The following CTNNA3 variants were observed in gnomAD, a reference collection of about 807,000 sequenced individuals.
The protein encoded by CTNNA3 is catenin alpha-3.
Under a neutral mutation model 95.7 loss-of-function variants are expected in CTNNA3, and 76 were observed. That is an observed-to-expected ratio of 0.79 (90% CI 0.66 to 0.96). CTNNA3 has a LOEUF of 0.96. Among genes scored for constraint, CTNNA3 ranks in the 40% least tolerant of loss-of-function variants. CTNNA3 has a pLI of 0.00. For missense variants in CTNNA3, 1,191 were observed against 1,089.8 expected, an observed-to-expected ratio of 1.09 and a Z score of -1.31; for synonymous variants, 431 against 374.4, an observed-to-expected ratio of 1.15 and a Z score of -1.74.
intron 1 of CTNNA3, among the ~76,000 whole-genome samples, chr10:67,741,883 C>A (rs1841341807): frequency 6.6e-6 from 1 of 151,036 alleles, no homozygotes; most frequent in Admixed American, 6.6e-5. Context: ...AGACTTTAAA[C>A]CAACAAAGAT....
intron 7 of CTNNA3, among the ~76,000 whole-genome samples, chr10:66,874,935 C>T (rs1281359675): frequency 6.6e-6 from 1 of 152,144 alleles, no homozygotes; most frequent in Admixed American, 6.6e-5. Context: ...GGCTTACAGT[C>T]TAGTAGGAAG....
chr10:66,507,050 T>C (rs890647784), intron 11 of CTNNA3, among the ~76,000 whole-genome samples: 13 of 152,162 alleles, frequency 8.5e-5, no homozygotes, highest in Admixed American at 1.3e-4. Context: ...TATTATGTGT[T>C]TTTTGGCATC....
At chr10:66,954,011 T>C (rs1386758624) in intron 7 of CTNNA3, among the ~76,000 whole-genome samples, 1 of 152,214 alleles carries the variant, frequency 6.6e-6, no homozygotes, top group Non-Finnish European at 1.5e-5. Context: ...AGCTGGTGCA[T>C]AGTAAGTGCT....
intron 7 of CTNNA3, among the ~76,000 whole-genome samples, chr10:66,881,012 A>C (rs79437193): frequency 0.012 from 1,786 of 152,172 alleles, 42 homozygotes; most frequent in African/African-American, 0.041. Flanking sequence ...AAGCAAGCAG[A>C]GTTTCATCCT....
chr10:67,554,265 A>G (rs946113334), intron 3 of CTNNA3, among the ~76,000 whole-genome samples: 23 of 152,112 alleles, frequency 1.5e-4, no homozygotes, highest in Non-Finnish European at 4.4e-5. Flanking sequence ...AATACTTTGG[A>G]TATATACCCA....
chr10:67,363,664 T>C (rs1169777594), intron 5 of CTNNA3, among the ~76,000 whole-genome samples: 1 of 151,876 alleles, frequency 6.6e-6, no homozygotes. Context: ...CCCACAGAAA[T>C]AGAAACTACC....
chr10:66,392,718 C>T (rs2132534613), intron 11 of CTNNA3, among the ~76,000 whole-genome samples: 1 of 152,126 alleles, frequency 6.6e-6, no homozygotes, highest in East Asian at 1.9e-4. Flanking sequence ...AAATTTAAAA[C>T]ACTGATAACA....
In CTNNA3 at chr10:66,868,774, A is replaced by G. The variant is rs1234357742; in HGVS notation, c.1048-93250T>C. On this transcript the variant is annotated intron_variant, in intron 7 of 17. Transcript: ENST00000433211. Reference sequence around the variant, plus strand: ...TCAAAAAAAAAAAAAAAAATCAGACAAAGTGCCTACCTTCAAAAAACTTAC... The same window carrying G: ...TCAAAAAAAAAAAAAAAAATCAGACGAAGTGCCTACCTTCAAAAAACTTAC... Among the ~76,000 whole-genome samples, 4 of 152,210 alleles carry G rather than the reference A, an allele frequency of 2.6e-5. No individual in the cohort carries two copies. In the East Asian group the frequency reaches 5.8e-4, roughly 22 times the overall value.
intron 13 of CTNNA3, among the ~76,000 whole-genome samples, chr10:66,279,205 C>G (rs1405107941): frequency 6.6e-6 from 1 of 151,948 alleles, no homozygotes; most frequent in Non-Finnish European, 1.5e-5. Context: ...CTTTTCTTTA[C>G]AAGGTCCACA....
intron 5 of CTNNA3, among the ~76,000 whole-genome samples, chr10:67,307,483 T>G (rs7907210): frequency 0.95 from 144,363 of 151,348 alleles, 68,931 homozygotes; most frequent in African/African-American, 0.99. Context: ...TGTTTGTTTG[T>G]TTGGTTGGTT....
intron 14 of CTNNA3, among the ~76,000 whole-genome samples, chr10:66,081,782 A>T (rs910934965): frequency 6.6e-6 from 1 of 152,196 alleles, no homozygotes; most frequent in Admixed American, 6.5e-5. Context: ...TAAAATTTAT[A>T]GGTGAACATT....
At chr10:66,673,324 A>C (rs1348607745) in intron 9 of CTNNA3, among the ~76,000 whole-genome samples, 1 of 152,106 alleles carries the variant, frequency 6.6e-6, no homozygotes, top group Non-Finnish European at 1.5e-5. Context: ...TACATACATT[A>C]ATGAAATTAT....
chr10:66,888,736 A>G (rs1356157345), intron 7 of CTNNA3, among the ~76,000 whole-genome samples: 6 of 152,232 alleles, frequency 3.9e-5, no homozygotes, highest in Admixed American at 3.9e-4. Context: ...TGGCAAGGAT[A>G]TGAAACAACA....
At chr10:67,727,750 T>TTATATTA (rs201454190) in intron 1 of CTNNA3, among the ~76,000 whole-genome samples, 5 of 127,536 alleles carry the variant, frequency 3.9e-5, no homozygotes, top group African/African-American at 1.2e-4. Flanking sequence ...CATAGCTTAC[T>TTATATTA]TATATTATAT....
chr10:66,529,938 C>A (rs187418313), intron 10 of CTNNA3, among the ~76,000 whole-genome samples: 2 of 152,256 alleles, frequency 1.3e-5, no homozygotes, highest in Admixed American at 1.3e-4. Flanking sequence ...TGTATGCATA[C>A]ACTGAGGTGG....
intron 17 of CTNNA3, among the ~76,000 whole-genome samples, chr10:65,924,323 T>C (rs551187238): frequency 6.6e-6 from 1 of 152,110 alleles, no homozygotes; most frequent in African/African-American, 2.4e-5. Flanking sequence ...GCGGGCTGTA[T>C]AATAATATTA....
intron 2 of CTNNA3, among the ~76,000 whole-genome samples, chr10:67,608,580 T>G (rs1843354044): frequency 6.6e-6 from 1 of 152,180 alleles, no homozygotes; most frequent in African/African-American, 2.4e-5. Flanking sequence ...TTAATCATTT[T>G]ACAATGTATA....
chr10:66,360,049 G>A (rs774469926), intron 12 of CTNNA3, among the ~76,000 whole-genome samples: 3 of 151,726 alleles, frequency 2.0e-5, no homozygotes, highest in Non-Finnish European at 2.9e-5. Context: ...GGCTGGTCTC[G>A]AACTCCTGAC....
chr10:67,114,679 T>C (rs1252295583), intron 7 of CTNNA3, among the ~76,000 whole-genome samples: 2 of 149,500 alleles, frequency 1.3e-5, no homozygotes, highest in Non-Finnish European at 3.0e-5. Context: ...AACACACTAT[T>C]AATAAATCAC....
Sources: gnomAD v4.1 joint callset for allele counts (sites outside exome capture counted in the v4.1 genomes callset) on GRCh38, gnomAD v4.1.1 for gene constraint, MANE v1.5 for transcripts, NCBI Gene and HGNC (gene_info 2026-07-23, HGNC 2026-07-21) for gene names.